BMP7: variants seen among roughly 807,000 people sequenced by gnomAD.
BMP7 encodes the protein bone morphogenetic protein 7.
BMP7 carries 12 observed loss-of-function variants against 41.2 expected under a neutral mutation model. The observed-to-expected ratio is 0.29, with a 90% CI of 0.19 to 0.47. The LOEUF (loss-of-function observed/expected upper bound fraction) is 0.47, where lower values mean the gene tolerates loss of function less well. Among genes scored for constraint, BMP7 ranks in the 20% least tolerant of loss-of-function variants. The pLI, the probability that BMP7 is intolerant of heterozygous loss-of-function variation, is 0.99. For missense variants in BMP7, 467 were observed against 606.0 expected, an observed-to-expected ratio of 0.77 and a Z score of 2.41; for synonymous variants, 248 against 250.0, an observed-to-expected ratio of 0.99 and a Z score of 0.07.
rs374113675 is a variant in BMP7, at chr20:57,179,539, G to A, written c.958+4183C>T. Reference sequence around the variant, plus strand: ...AGCACGTGAAGCCCCGGGGGAGGGGGCTGGCGGGCAGGAAAGCGAGCTCCG... The same window carrying A: ...AGCACGTGAAGCCCCGGGGGAGGGGACTGGCGGGCAGGAAAGCGAGCTCCG... On this transcript the variant is annotated intron_variant, in intron 4 of 6. Transcript: ENST00000395863. Among the ~76,000 whole-genome samples the A allele has an allele frequency of 7.9e-5, 12 of 152,378 alleles. No individual in the cohort carries two copies. In the East Asian group the frequency reaches 2.3e-3, roughly 29 times the overall value.
rs1387091189 is a variant in BMP7 at position 57,214,593 on chromosome 20, A to G, written c.612-11970T>C. Among the ~76,000 whole-genome samples the G allele has an allele frequency of 1.3e-5, 2 of 151,750 alleles. No individual in the cohort carries two copies. The highest frequency in any genetic ancestry group is 2.9e-5 in the Non-Finnish European group (2 of 67,920). Reference sequence around the variant, plus strand: ...TCCAGCCCACCACAGCCCCTCACACATGCTGTTTCCGCTGCCTGCAACACT... The same window carrying G: ...TCCAGCCCACCACAGCCCCTCACACGTGCTGTTTCCGCTGCCTGCAACACT... On this transcript the variant is annotated intron_variant, in intron 2 of 6. Transcript: ENST00000395863. The surrounding 1 kb of genome is among the most constrained non-coding windows in gnomAD (Gnocchi z 4.0).
At chr20:57,200,198 A>G (rs1984589323) in intron 3 of BMP7, among the ~76,000 whole-genome samples, 2 of 152,118 alleles carry the variant, frequency 1.3e-5, no homozygotes, top group South Asian at 4.1e-4. Flanking sequence ...GCATGAGCTC[A>G]TCTAATCCCT....
intron 2 of BMP7, among the ~76,000 whole-genome samples, chr20:57,217,239 A>C (rs2123106454): frequency 6.6e-6 from 1 of 150,612 alleles, no homozygotes; most frequent in Middle Eastern, 3.4e-3. Flanking sequence ...CAAGAGGCTG[A>C]GCCCGCTCCC....
chr20:57,223,547 C>T (rs1985240692), intron 2 of BMP7, among the ~76,000 whole-genome samples: 1 of 152,214 alleles, frequency 6.6e-6, no homozygotes, highest in Non-Finnish European at 1.5e-5. Context: ...CTGCTGAAAT[C>T]TAAGAGCCTG....
rs535715112 is a variant in BMP7, at chr20:57,214,956, T to C, written c.612-12333A>G. The C allele has an allele frequency of 1.9e-4, 29 of 152,332 alleles. No individual in the cohort carries two copies. The highest frequency in any genetic ancestry group is 6.7e-4 in the African/African-American group (28 of 41,580). The allele number at this position is 152,332 out of a possible 1,614,324, so 9.4% of individuals were successfully genotyped here. Reference sequence around the variant, plus strand: ...TCTGCATCCTTATGGCCAGTAAGGTTTTCTGGTTTCACTTCCAATAGTTTA... The same window carrying C: ...TCTGCATCCTTATGGCCAGTAAGGTCTTCTGGTTTCACTTCCAATAGTTTA... On this transcript the variant is annotated intron_variant, in intron 2 of 6. Coordinates refer to ENST00000395863, the MANE Select transcript of BMP7 (RefSeq NM_001719.3). The surrounding 1 kb of genome is among the most constrained non-coding windows in gnomAD (Gnocchi z 4.0).
chr20:57,193,948 A>G (rs2123079281), intron 3 of BMP7, among the ~76,000 whole-genome samples: 1 of 152,312 alleles, frequency 6.6e-6, no homozygotes, highest in Admixed American at 6.5e-5. Context: ...CAGGGAGGTG[A>G]GGCAGAAGTG....
chr20:57,255,096 G>A (rs1481578732), intron 1 of BMP7, among the ~76,000 whole-genome samples: 1 of 151,294 alleles, frequency 6.6e-6, no homozygotes, highest in African/African-American at 2.4e-5. Flanking sequence ...CGGGACCACA[G>A]AGTCAAGGCC....
chr20:57,192,786 T>C (rs925637823), intron 3 of BMP7, among the ~76,000 whole-genome samples: 4 of 152,072 alleles, frequency 2.6e-5, no homozygotes, highest in African/African-American at 9.7e-5. Flanking sequence ...GGTGCCTGAT[T>C]GAATTTGAAT....
intron 3 of BMP7, among the ~76,000 whole-genome samples, chr20:57,190,336 G>A (rs1012644625): frequency 1.3e-5 from 2 of 151,532 alleles, no homozygotes; most frequent in African/African-American, 4.8e-5. Flanking sequence ...GGTGAGGCTG[G>A]AGACAGTGAG....
chr20:57,219,227 T>C (rs113012665), intron 2 of BMP7, among the ~76,000 whole-genome samples: 1 of 143,954 alleles, frequency 6.9e-6, no homozygotes, highest in Admixed American at 6.6e-5. Flanking sequence ...AGGTGGTGTT[T>C]GGTGGTAGCT....
intron 2 of BMP7, among the ~76,000 whole-genome samples, chr20:57,206,241 G>A (rs1984727707): frequency 6.6e-6 from 1 of 152,064 alleles, no homozygotes; most frequent in African/African-American, 2.4e-5. Flanking sequence ...AGGGTGAAAG[G>A]CCCTGAGGAA....
At chr20:57,264,301 T>G (rs1439750875) in intron 1 of BMP7, among the ~76,000 whole-genome samples, 3 of 152,226 alleles carry the variant, frequency 2.0e-5, no homozygotes, top group Admixed American at 6.5e-5. Flanking sequence ...AGTATCATTA[T>G]TTCCATGTTG....
chr20:57,262,343 C>G (rs2066157515), intron 1 of BMP7, among the ~76,000 whole-genome samples: 1 of 152,216 alleles, frequency 6.6e-6, no homozygotes, highest in South Asian at 2.1e-4. Flanking sequence ...GGGGCCCAGG[C>G]TGGGAAGATG....
Position 57,183,865 on chromosome 20 carries a change from T to A in BMP7, c.815A>T (p.Asn272Ile). The A allele has an allele frequency of 6.2e-7, 1 of 1,614,176 alleles. No individual in the cohort carries two copies. The change falls in exon 4 of 7, where the codon AAC (asparagine) becomes ATC (isoleucine). Residue 272 changes from asparagine to isoleucine, a missense_variant. This residue lies in a region of BMP7 where 407 missense variants were observed against 485.9 expected (regional missense o/e 0.84). Transcript: ENST00000395863. ...GAAAGCCACCATGAAGGGCTGCTTG[T>A]TCTGGGGCCCGTGCCGCCCAATCAG... is the stretch of plus-strand genomic sequence containing the variant. ...AGLIGRHGPQ[N>I]KQPFMVAFFK...
At chr20:57,252,325 G>T (rs2123143720) in intron 1 of BMP7, among the ~76,000 whole-genome samples, 1 of 152,324 alleles carries the variant, frequency 6.6e-6, no homozygotes, top group East Asian at 1.9e-4. Flanking sequence ...CCGCGGGCTG[G>T]GGTCTGAAGC....
intron 4 of BMP7, among the ~76,000 whole-genome samples, chr20:57,179,313 A>ACGCCAGCAC (rs1984014898): frequency 6.6e-6 from 1 of 152,116 alleles, no homozygotes; most frequent in Non-Finnish European, 1.5e-5. Context: ...GACAGCCCTG[A>ACGCCAGCAC]CGCCAGCACC....
chr20:57,255,784 C>T (rs986213526), intron 1 of BMP7, among the ~76,000 whole-genome samples: 1 of 105,140 alleles, frequency 9.5e-6, no homozygotes, highest in South Asian at 3.3e-4. Context: ...TGGGGGATAG[C>T]GAGAGACTCC....
At position 57,266,066 on chromosome 20, in the gene BMP7, T is replaced by G. The variant is rs1239846617; in HGVS notation, c.57A>C (p.Ala19=). The G allele has an allele frequency of 6.5e-7, 1 of 1,540,246 alleles. No homozygotes were observed. The highest frequency in any genetic ancestry group is 2.0e-5 in the Admixed American group (1 of 50,994). ...AAPHSFVALW[A]PLFLLRSALA... ...GGGCGGAGCGCAGCAGGAACAGGGGTGCCCAGAGCGCCACGAAGCTGTGCG... is the reference window on the plus strand; with the variant it reads ...GGGCGGAGCGCAGCAGGAACAGGGGGGCCCAGAGCGCCACGAAGCTGTGCG... Residue 19 remains alanine, a synonymous_variant, in exon 1 of 7, where the codon GCA becomes GCC. Coordinates refer to ENST00000395863, the MANE Select transcript of BMP7 (RefSeq NM_001719.3).
intron 3 of BMP7, among the ~76,000 whole-genome samples, chr20:57,186,008 T>G (rs1274824330): frequency 4.6e-5 from 7 of 151,780 alleles, no homozygotes; most frequent in Non-Finnish European, 1.5e-5. Flanking sequence ...CCCTAAGTAC[T>G]CAATAAATGC....
Sources: gnomAD v4.1 joint callset for allele counts (sites outside exome capture counted in the v4.1 genomes callset) on GRCh38, gnomAD v4.1.1 for gene constraint, gnomAD v4.1.1 regional missense constraint, Gnocchi (gnomAD v3.1) non-coding constraint, MANE v1.5 for transcripts, NCBI Gene and HGNC (gene_info 2026-07-23, HGNC 2026-07-21) for gene names.